Variants in NF1 observed in about 807,000 individuals in gnomAD.
NF1 encodes the protein neurofibromin 1.
NF1 carries 122 observed loss-of-function variants against 325.7 expected under a neutral mutation model. That is an observed-to-expected ratio of 0.37 (90% CI 0.32 to 0.44). The LOEUF (loss-of-function observed/expected upper bound fraction) is 0.44, where lower values mean the gene tolerates loss of function less well. NF1 is among the 20% of genes least tolerant of loss of function. The probability of loss-of-function intolerance (pLI) is 1.00; values close to 1 mark genes in which losing one functional copy is unlikely to be tolerated. For missense variants in NF1, 2,140 were observed against 3,415.4 expected (o/e 0.63, Z 9.31); for synonymous variants, 1,091 against 1,186.0 (o/e 0.92, Z 1.65).
chr17:31,246,463 T>G (rs1391990843), intron 29 of NF1, among the ~76,000 whole-genome samples: 1 of 152,216 alleles, frequency 6.6e-6, no homozygotes, highest in Non-Finnish European at 1.5e-5. Flanking sequence ...TTAATTAATA[T>G]AGAAACAAAA....
At position 31,114,170 on chromosome 17, in the gene NF1, A is replaced by G. The variant is rs1287918735; in HGVS notation, c.60+18801A>G. Among the ~76,000 whole-genome samples the G allele has an allele frequency of 4.6e-5, 7 of 152,304 alleles. No homozygotes were observed. In the East Asian group the frequency reaches 1.3e-3, roughly 29 times the overall value. On this transcript the variant is annotated intron_variant, in intron 1 of 57. Transcript: ENST00000358273. Reference sequence around the variant, plus strand: ...AGCTGCTGTAGACCTTGCTTCTGTAACTGGTTGAGAGATTGTAGTTCATAT... The same window carrying G: ...AGCTGCTGTAGACCTTGCTTCTGTAGCTGGTTGAGAGATTGTAGTTCATAT...
intron 36 of NF1, among the ~76,000 whole-genome samples, chr17:31,325,161 C>T (rs545190426): frequency 1.3e-5 from 2 of 152,242 alleles, no homozygotes; most frequent in East Asian, 3.9e-4. Context: ...AATTTGACCC[C>T]AGGAGAGGCT....
At chr17:31,274,744 TAATA>T (rs2067970509) in intron 36 of NF1, among the ~76,000 whole-genome samples, 1 of 151,414 alleles carries the variant, frequency 6.6e-6, no homozygotes, top group African/African-American at 2.4e-5. Context: ...ATAGTAATAG[TAATA>T]GTAATAGTAA....
chr17:31,288,978 T>G (rs1441406099), intron 36 of NF1, among the ~76,000 whole-genome samples: 1 of 152,244 alleles, frequency 6.6e-6, no homozygotes, highest in East Asian at 1.9e-4. Context: ...ACTCGCAGGT[T>G]TGACTTGGTC....
At chr17:31,111,403 T>C (rs1913402280) in intron 1 of NF1, among the ~76,000 whole-genome samples, 1 of 152,084 alleles carries the variant, frequency 6.6e-6, no homozygotes, top group Admixed American at 6.6e-5. Context: ...TCAAGTAGTT[T>C]AGCAAACCCC....
Position 31,223,525 on chromosome 17 carries a change from G to A in NF1, c.1803G>A (p.Arg601=), listed in dbSNP as rs786201973. ...GCACAGAAATTCTCAAGTGGTTGCG[G>A]GAAATATTGATCTGCAGGAATAAAT... ...LSSTEILKWL[R]EILICRNKFL... is the part of the protein sequence containing the mutation. The change falls in exon 16 of 58, where the codon CGG becomes CGA. Residue 601 remains arginine (R), a synonymous_variant. Transcript: ENST00000358273. 1 of 1,612,544 alleles carries A rather than the reference G, an allele frequency of 6.2e-7. No homozygotes were observed. Among genetic ancestry groups the A allele is most frequent in the African/African-American group, 1.3e-5 (1 of 74,784 alleles).
rs1060500299 is a variant in NF1, at chr17:31,229,185, A to G, written c.2570A>G (p.Asn857Ser). 11 of 1,611,826 alleles carry G rather than the reference A, an allele frequency of 6.8e-6. No homozygotes were observed. The Admixed American group carries it at 1.2e-4, about 17-fold the overall frequency. The change falls in exon 21 of 58, where the codon AAT becomes AGT. Residue 857 changes from asparagine to serine, a missense_variant. This residue lies in a region of NF1 where 380 missense variants were observed against 639.3 expected (regional missense o/e 0.59). Transcript: ENST00000358273. ...LGGVCLQQRS[N>S]SGLATYSPPM... ...GGAGTGTGCCTCCAGCAGAGAAGCA[A>G]TTCTGGCCTGGCAACCTATAGCCCA...
intron 30 of NF1, among the ~76,000 whole-genome samples, chr17:31,249,557 TTG>T (rs2067458876): frequency 6.6e-6 from 1 of 152,352 alleles, no homozygotes; most frequent in Admixed American, 6.5e-5. Flanking sequence ...TATAATTAGT[TTG>T]TGTCAGGTTT....
At chr17:31,338,174 A>G (rs1234109428) in intron 45 of NF1, 35 bp downstream of exon 45, 4 of 1,422,990 alleles carry the variant, frequency 2.8e-6, no homozygotes, top group South Asian at 1.1e-5. Context: ...CCAAATATTT[A>G]TGGTTCTCAA....
intron 36 of NF1, among the ~76,000 whole-genome samples, chr17:31,270,073 C>G (rs2067862978): frequency 6.6e-6 from 1 of 152,108 alleles, no homozygotes; most frequent in Non-Finnish European, 1.5e-5. Flanking sequence ...TTTAAAAAGG[C>G]CCAGAAAGAT....
chr17:31,095,515 T>A (rs2143149959), intron 1 of NF1, 146 bp downstream of exon 1: 2 of 319,546 alleles, frequency 6.3e-6, no homozygotes, highest in Non-Finnish European at 1.2e-5. Context: ...GAAGGGGGGA[T>A]AAGTGGGGGT....
intron 4 of NF1, among the ~76,000 whole-genome samples, chr17:31,166,955 A>T (rs2065856923): frequency 6.6e-6 from 1 of 152,138 alleles, no homozygotes; most frequent in Non-Finnish European, 1.5e-5. Flanking sequence ...TACATTTAAA[A>T]TATCTTTCAG....
intron 1 of NF1, among the ~76,000 whole-genome samples, chr17:31,098,150 T>C (rs1043025454): frequency 3.4e-5 from 5 of 148,446 alleles, no homozygotes; most frequent in Non-Finnish European, 7.4e-5. Flanking sequence ...TAATTTATTA[T>C]ATAAGTGATA....
intron 57 of NF1, 66 bp from the exon 58 acceptor site, chr17:31,373,947 T>C (rs2070693592): frequency 1.3e-6 from 2 of 1,592,506 alleles, no homozygotes; most frequent in African/African-American, 2.7e-5. Context: ...AAGCGACACA[T>C]GACTGCAATG....
In NF1 at chr17:31,233,027, G is replaced by A. The variant is rs2151435319; in HGVS notation, c.3522G>A (p.Gln1174=). Residue 1174 remains glutamine (Q), a synonymous_variant, in exon 27 of 58, where the codon CAG becomes CAA. Coordinates refer to ENST00000358273, the MANE Select transcript of NF1 (RefSeq NM_001042492.3). ...GCTTAGGTTACCACAAGGATCTCCA[G>A]ACAAGAGCTACATTTATGGAAGTTC... ...SIGLGYHKDL[Q]TRATFMEVLT... The A allele has an allele frequency of 6.2e-7, 1 of 1,614,206 alleles. No individual in the cohort carries two copies. Among genetic ancestry groups the A allele is most frequent in the Middle Eastern group, 1.6e-4 (1 of 6,062 alleles).
intron 36 of NF1, among the ~76,000 whole-genome samples, chr17:31,275,989 C>G (rs572979023): frequency 1.3e-5 from 2 of 152,098 alleles, no homozygotes; most frequent in South Asian, 2.1e-4. Flanking sequence ...GTGGGCAGAT[C>G]ACGAGGTCAG....
In NF1 at chr17:31,325,886, T is replaced by C. The variant is rs2151537711; in HGVS notation, c.4902T>C (p.Tyr1634=). 6.2e-7 allele frequency: 1 copy of C among 1,614,204 alleles called. No homozygotes were observed. Among genetic ancestry groups the C allele is most frequent in the Non-Finnish European group, 8.5e-7 (1 of 1,180,008 alleles). Residue 1634 remains tyrosine (Y), a synonymous_variant, in exon 37 of 58, where the codon TAT becomes TAC. Transcript: ENST00000358273. ...IYHVLLTLKP[Y]YAKPYEIVVD... ...ATGTCTTACTGACTTTAAAGCCATA[T>C]TATGCAAAGCCATATGAAATTGTAG...
intron 1 of NF1, among the ~76,000 whole-genome samples, chr17:31,107,313 C>T (rs1332805904): frequency 2.6e-5 from 4 of 152,102 alleles, no homozygotes; most frequent in Non-Finnish European, 5.9e-5. Flanking sequence ...TAGGGAATGA[C>T]AGTGATAGTA....
chr17:31,307,239 C>T (rs1284982592), intron 36 of NF1, among the ~76,000 whole-genome samples: 1 of 151,774 alleles, frequency 6.6e-6, no homozygotes, highest in East Asian at 1.9e-4. Flanking sequence ...CCAGGCTGCT[C>T]GAGAACTGAC....
Sources: allele counts gnomAD v4.1 joint callset (sites outside exome capture counted in the v4.1 genomes callset), GRCh38; gene constraint gnomAD v4.1.1; regional missense constraint gnomAD v4.1.1; transcripts MANE v1.5; gene names NCBI Gene and HGNC (gene_info 2026-07-23, HGNC 2026-07-21).